Variants in RBFOX1 observed in about 807,000 individuals in gnomAD.
RBFOX1 encodes RNA binding protein fox-1 homolog 1.
RBFOX1 carries 8 observed loss-of-function variants against 57.7 expected under a neutral mutation model. The ratio of observed to expected loss-of-function variants is 0.14; its 90% confidence interval spans 0.08 to 0.25. The LOEUF (loss-of-function observed/expected upper bound fraction) is 0.25, where lower values mean the gene tolerates loss of function less well. Among genes scored for constraint, RBFOX1 ranks in the 10% least tolerant of loss-of-function variants. RBFOX1 has a pLI of 1.00. For synonymous variants in RBFOX1, 326 were observed against 222.4 expected, an observed-to-expected ratio of 1.47 and a Z score of -4.15; for missense variants, 611 against 548.5, an observed-to-expected ratio of 1.11 and a Z score of -1.14.
chr16:6,805,011 T>C lies in RBFOX1; in HGVS notation c.-16+150361T>C, dbSNP rs534411813. Among the ~76,000 whole-genome samples the C allele has an allele frequency of 3.3e-5, 5 of 152,316 alleles. No homozygotes were observed. In the South Asian group the frequency reaches 6.2e-4, roughly 19 times the overall value. Reference sequence around the variant, plus strand: ...ATTCATCAAAGATCTGAAAACTGAATACCATTTGACCTACCAGTCCCATTA... The same window carrying C: ...ATTCATCAAAGATCTGAAAACTGAACACCATTTGACCTACCAGTCCCATTA... On this transcript the variant is annotated intron_variant, in intron 3 of 15. Coordinates refer to ENST00000550418, the MANE Select transcript of RBFOX1 (RefSeq NM_018723.4).
intron 4 of RBFOX1, among the ~76,000 whole-genome samples, chr16:7,504,709 TTATA>T (rs1181491515): frequency 9.5e-4 from 71 of 74,410 alleles, no homozygotes; most frequent in East Asian, 2.8e-3. Context: ...TGAAGTGAGA[TTATA>T]TATATATATA....
chr16:6,042,079 C>T (rs28504388), intron 1 of RBFOX1, among the ~76,000 whole-genome samples: 12,855 of 151,306 alleles, frequency 0.085, 659 homozygotes, highest in African/African-American at 0.13. Context: ...TCTCCACAGT[C>T]TCATCTCCTG....
intron 4 of RBFOX1, among the ~76,000 whole-genome samples, chr16:7,110,344 G>C (rs1187185685): frequency 6.6e-6 from 1 of 152,042 alleles, no homozygotes; most frequent in Non-Finnish European, 1.5e-5. Flanking sequence ...TTGGGTGACA[G>C]AGCAAGATCC....
intron 2 of RBFOX1, among the ~76,000 whole-genome samples, chr16:6,508,525 A>C (rs927695658): frequency 6.6e-6 from 1 of 152,158 alleles, no homozygotes; most frequent in Non-Finnish European, 1.5e-5. Flanking sequence ...AAGGTGTCCT[A>C]CTGTGCTTAG....
intron 1 of RBFOX1, among the ~76,000 whole-genome samples, chr16:6,292,334 C>A (rs1369212438): frequency 6.6e-6 from 1 of 151,628 alleles, no homozygotes; most frequent in East Asian, 1.9e-4. Flanking sequence ...GAACTACCAC[C>A]AATGGCTTCT....
At chr16:7,583,971 G>C (rs897496101) in intron 6 of RBFOX1, among the ~76,000 whole-genome samples, 1 of 152,158 alleles carries the variant, frequency 6.6e-6, no homozygotes, top group African/African-American at 2.4e-5. Context: ...TTTTAGTCAC[G>C]AGACGGGCTT....
intron 3 of RBFOX1, among the ~76,000 whole-genome samples, chr16:5,769,319 A>G (rs2053897486): frequency 6.6e-6 from 1 of 151,938 alleles, no homozygotes; most frequent in Non-Finnish European, 1.5e-5. Flanking sequence ...GTGGGCCCTA[A>G]TCCAGTATGA....
intron 3 of RBFOX1, among the ~76,000 whole-genome samples, chr16:6,934,545 T>C (rs969696676): frequency 2.0e-5 from 3 of 152,092 alleles, no homozygotes; most frequent in African/African-American, 7.2e-5. Flanking sequence ...TATTTGGACA[T>C]AAAAAGAAGG....
chr16:6,437,891 A>G (rs748952064), intron 2 of RBFOX1, among the ~76,000 whole-genome samples: 4 of 152,158 alleles, frequency 2.6e-5, no homozygotes, highest in Non-Finnish European at 5.9e-5. Flanking sequence ...TCCAACATTA[A>G]GAGTTATAAT....
intron 4 of RBFOX1, among the ~76,000 whole-genome samples, chr16:6,000,220 C>A (rs1264056871): frequency 6.6e-6 from 1 of 152,136 alleles, no homozygotes; most frequent in Non-Finnish European, 1.5e-5. Context: ...TCCCATGCCC[C>A]CCTGGTGCGA....
chr16:7,411,895 C>G (rs1476598264), intron 4 of RBFOX1, among the ~76,000 whole-genome samples: 1 of 85,710 alleles, frequency 1.2e-5, no homozygotes, highest in Admixed American at 1.6e-4. Flanking sequence ...AAGAGCAAAA[C>G]TCCTTTCAAA....
intron 3 of RBFOX1, among the ~76,000 whole-genome samples, chr16:5,655,320 G>A (rs966130401): frequency 2.0e-5 from 3 of 152,126 alleles, no homozygotes; most frequent in South Asian, 2.1e-4. Flanking sequence ...CATTTCATGC[G>A]GGTAAGATAT....
intron 1 of RBFOX1, among the ~76,000 whole-genome samples, chr16:5,456,927 G>T (rs1338459872): frequency 6.6e-6 from 1 of 152,054 alleles, no homozygotes; most frequent in Non-Finnish European, 1.5e-5. Context: ...CCACCTCTAG[G>T]CCTTTATCTT....
intron 3 of RBFOX1, among the ~76,000 whole-genome samples, chr16:5,748,473 G>T (rs2053069639): frequency 6.6e-6 from 1 of 152,174 alleles, no homozygotes; most frequent in Non-Finnish European, 1.5e-5. Flanking sequence ...TGACAGTGGG[G>T]TGTTAAAGTC....
intron 2 of RBFOX1, among the ~76,000 whole-genome samples, chr16:6,505,485 T>C (rs763958758): frequency 6.6e-6 from 1 of 152,168 alleles, no homozygotes; most frequent in Admixed American, 6.5e-5. Flanking sequence ...AATTGAAAAA[T>C]ATTAGGTATT....
Position 5,285,113 on chromosome 16 carries a change from T to A in RBFOX1, c.219+45008T>A, listed in dbSNP as rs553709874. On this transcript the variant is annotated intron_variant, in intron 1 of 2. Coordinates refer to the RBFOX1 transcript ENST00000585867. ...CCAAGAATTTCAGTATTTGGCCACA[T>A]ATGTGTCCCATATGTCATGTAGCCT... 5.8e-4 allele frequency among the ~76,000 whole-genome samples: 88 copies of A among 152,328 alleles called. No individual in the cohort carries two copies. The South Asian group carries it at 0.017, about 29-fold the overall frequency.
chr16:5,422,973 G>T (rs1257469943), intron 1 of RBFOX1, among the ~76,000 whole-genome samples: 1 of 123,584 alleles, frequency 8.1e-6, no homozygotes, highest in Non-Finnish European at 1.8e-5. Context: ...AGGAGGGAGA[G>T]GGAGGAGTGG....
At chr16:5,934,742 T>C (rs1484896449) in intron 4 of RBFOX1, among the ~76,000 whole-genome samples, 2 of 152,226 alleles carry the variant, frequency 1.3e-5, no homozygotes, top group African/African-American at 4.8e-5. Context: ...GTCATTTAAT[T>C]AATTAATTAA....
intron 5 of RBFOX1, among the ~76,000 whole-genome samples, chr16:7,522,880 C>CTTTGATACATT (rs1242799857): frequency 6.6e-6 from 1 of 152,214 alleles, no homozygotes; most frequent in Non-Finnish European, 1.5e-5. Flanking sequence ...AAAGTATACA[C>CTTTGATACATT]TTTGATACAT....
Sources: allele counts gnomAD v4.1 joint callset (sites outside exome capture counted in the v4.1 genomes callset), GRCh38; gene constraint gnomAD v4.1.1; transcripts MANE v1.5; gene names NCBI Gene and HGNC (gene_info 2026-07-23, HGNC 2026-07-21).